Variants in GLIS3 observed in about 807,000 individuals in gnomAD.
GLIS3 encodes GLIS family zinc finger 3, also known as zinc finger protein GLIS3.
GLIS3 carries 53 observed loss-of-function variants against 78.6 expected under a neutral mutation model. The ratio of observed to expected loss-of-function variants is 0.67; its 90% CI spans 0.54 to 0.85. The LOEUF (loss-of-function observed/expected upper bound fraction) is 0.85, where lower values mean the gene tolerates loss of function less well. Among genes scored for constraint, GLIS3 ranks in the 40% least tolerant of loss-of-function variants. The probability of loss-of-function intolerance (pLI) is 0.00; values close to 1 mark genes in which losing one functional copy is unlikely to be tolerated. For synonymous variants in GLIS3, 684 were observed against 509.9 expected (o/e 1.34, Z -4.60); for missense variants, 1,703 against 1,231.1 (o/e 1.38, Z -5.74).
At chr9:4,329,706 C>T (rs1277600373) in intron 2 of GLIS3, among the ~76,000 whole-genome samples, 1 of 152,086 alleles carries the variant, frequency 6.6e-6, no homozygotes, top group Non-Finnish European at 1.5e-5. Context: ...GATATGCGAA[C>T]CTCCTCCAGC....
the GLIS3 span, among the ~76,000 whole-genome samples, chr9:4,458,014 C>A: frequency 2.0e-5 from 3 of 152,218 alleles, no homozygotes; most frequent in East Asian, 5.8e-4. Flanking sequence ...CAACACAAAG[C>A]CCCATTAACT....
intron 4 of GLIS3, among the ~76,000 whole-genome samples, chr9:3,963,651 G>A (rs140698409): frequency 3.5e-4 from 54 of 152,240 alleles, no homozygotes; most frequent in Middle Eastern, 3.4e-3. Context: ...TCTCAAAGCA[G>A]GGAGGTCATT....
chr9:4,044,215 G>C (rs1316492274), intron 4 of GLIS3, among the ~76,000 whole-genome samples: 1 of 152,236 alleles, frequency 6.6e-6, no homozygotes, highest in Non-Finnish European at 1.5e-5. Context: ...CTTCGGAACA[G>C]TGTGTGGCTC....
At chr9:4,201,901 C>T (rs551777699) in intron 2 of GLIS3, among the ~76,000 whole-genome samples, 4 of 152,112 alleles carry the variant, frequency 2.6e-5, no homozygotes, top group South Asian at 2.1e-4. Context: ...TTTGAGAGGC[C>T]GAGGCAGGAA....
intron 4 of GLIS3, among the ~76,000 whole-genome samples, chr9:4,059,829 T>TGTGTGTGTGTGTGAGAGAGAGA: frequency 1.2e-4 from 12 of 100,646 alleles, no homozygotes; most frequent in African/African-American, 1.7e-4. Flanking sequence ...TGTGTGTGTG[T>TGTGTGTGTGTGTGAGAGAGAGA]GAGAGAGAGA....
At chr9:3,872,737 A>G (rs549167344) in intron 8 of GLIS3, among the ~76,000 whole-genome samples, 17 of 152,344 alleles carry the variant, frequency 1.1e-4, no homozygotes, top group Admixed American at 6.5e-5. Flanking sequence ...ACACACAGCC[A>G]AACTATATCA....
At chr9:4,196,738 C>T (rs898110859) in intron 2 of GLIS3, among the ~76,000 whole-genome samples, 10 of 152,190 alleles carry the variant, frequency 6.6e-5, no homozygotes, top group East Asian at 1.9e-4. Flanking sequence ...TAACACTCAC[C>T]GTGAGGGTCC....
chr9:4,454,895 C>G, the GLIS3 span, among the ~76,000 whole-genome samples: 15 of 152,156 alleles, frequency 9.9e-5, no homozygotes, highest in African/African-American at 3.6e-4. Context: ...TAGAATTGTA[C>G]ACACACTCAC....
intron 4 of GLIS3, chr9:4,070,992 C>T (rs1179352066): frequency 6.6e-6 from 1 of 152,162 alleles, no homozygotes; most frequent in Admixed American, 6.6e-5. Flanking sequence ...TTTTTCCTTT[C>T]ACCACTGAAG....
At chr9:3,858,782 C>T (rs1004113694) in intron 8 of GLIS3, among the ~76,000 whole-genome samples, 5 of 151,918 alleles carry the variant, frequency 3.3e-5, no homozygotes, top group Admixed American at 6.6e-5. Context: ...CACAATTATC[C>T]AGACAATTGC....
chr9:4,315,687 A>G (rs575149536), intron 2 of GLIS3, among the ~76,000 whole-genome samples: 22 of 152,220 alleles, frequency 1.4e-4, no homozygotes, highest in African/African-American at 5.3e-4. Flanking sequence ...GGGACTGGAG[A>G]CAACCTCCCT....
chr9:4,453,024 C>T, the GLIS3 span, among the ~76,000 whole-genome samples: 2 of 152,142 alleles, frequency 1.3e-5, no homozygotes, highest in Admixed American at 6.5e-5. Flanking sequence ...CTACCACCAT[C>T]TGATATTTGA....
the GLIS3 span, among the ~76,000 whole-genome samples, chr9:4,385,737 AAAAG>A: frequency 0.032 from 1,736 of 54,240 alleles, 157 homozygotes; most frequent in Middle Eastern, 0.1. Flanking sequence ...GAAAGAAAGA[AAAAG>A]AAAGAAAGAA....
intron 3 of GLIS3, among the ~76,000 whole-genome samples, chr9:4,119,261 AT>A (rs1390597270): frequency 6.6e-6 from 1 of 152,224 alleles, no homozygotes; most frequent in East Asian, 1.9e-4. Context: ...CCAAATAAGT[AT>A]TTGTTGAGCA....
In GLIS3 at chr9:3,828,182, T is replaced by G; in HGVS notation, c.*90A>C. 6.7e-7 allele frequency: 1 copy of G among 1,493,552 alleles called. No homozygotes were observed. 92.5% of individuals were successfully genotyped at this position (1,493,552 alleles called of 1,614,324 possible). Reference sequence around the variant, plus strand: ...GCAGGGCCCGCTGATTGGGCTGACATCCTTCCTCAAGCAGTCTGTGAGAGT... The same window carrying G: ...GCAGGGCCCGCTGATTGGGCTGACAGCCTTCCTCAAGCAGTCTGTGAGAGT... On this transcript the variant is annotated 3_prime_UTR_variant, in exon 11 of 11. Transcript: ENST00000381971.
At chr9:3,991,003 G>A (rs947374301) in intron 4 of GLIS3, among the ~76,000 whole-genome samples, 1 of 152,116 alleles carries the variant, frequency 6.6e-6, no homozygotes, top group Non-Finnish European at 1.5e-5. Flanking sequence ...TGTTTCTGAT[G>A]ACAAAAATTA....
At chr9:3,839,583 CAAA>C (rs113301703) in intron 9 of GLIS3, among the ~76,000 whole-genome samples, 1 of 140,736 alleles carries the variant, frequency 7.1e-6, no homozygotes, top group Non-Finnish European at 1.6e-5. Context: ...AGTTTACAGC[CAAA>C]AAAAAAAAGG....
At chr9:4,410,466 A>G in the GLIS3 span, among the ~76,000 whole-genome samples, 1 of 152,238 alleles carries the variant, frequency 6.6e-6, no homozygotes, top group Non-Finnish European at 1.5e-5. Flanking sequence ...AGTATATATA[A>G]AGAATTCATG....
intron 6 of GLIS3, 86 bp from the exon 7 acceptor site, chr9:3,898,921 C>G: frequency 6.4e-7 from 1 of 1,568,566 alleles, no homozygotes; most frequent in Non-Finnish European, 8.7e-7. Context: ...TCTATCAGTG[C>G]AACTCAGCCC....
Sources: gnomAD v4.1 joint callset for allele counts (sites outside exome capture counted in the v4.1 genomes callset) on GRCh38, gnomAD v4.1.1 for gene constraint, MANE v1.5 for transcripts, NCBI Gene and HGNC (gene_info 2026-07-23, HGNC 2026-07-21) for gene names.